PRIMA1: variants seen among roughly 807,000 people sequenced by gnomAD.
PRIMA1 encodes proline rich membrane anchor 1.
A neutral mutation model predicts 17.5 loss-of-function variants in PRIMA1; 7 were observed. The ratio of observed to expected loss-of-function variants is 0.40; its 90% confidence interval spans 0.23 to 0.75. PRIMA1 has a LOEUF of 0.75. PRIMA1 is among the 30% of genes least tolerant of loss of function. PRIMA1 has a pLI of 0.37. For synonymous variants in PRIMA1, 97 were observed against 77.9 expected, an observed-to-expected ratio of 1.25 and a Z score of -1.29; for missense variants, 200 against 201.8, an observed-to-expected ratio of 0.99 and a Z score of 0.05.
At chr14:93,727,945 G>A (rs1418388441) in intron 4 of PRIMA1, among the ~76,000 whole-genome samples, 3 of 152,348 alleles carry the variant, frequency 2.0e-5, no homozygotes, top group East Asian at 1.9e-4. Context: ...TGCATCCTAC[G>A]CTGCTCAGCT....
chr14:93,780,592 T>C (rs925887786), intron 2 of PRIMA1, among the ~76,000 whole-genome samples: 1 of 152,222 alleles, frequency 6.6e-6, no homozygotes, highest in African/African-American at 2.4e-5. Context: ...TGGCTGTACC[T>C]TGGAATCTCC....
chr14:93,727,906 T>C (rs1298500875), intron 4 of PRIMA1, among the ~76,000 whole-genome samples: 1 of 152,238 alleles, frequency 6.6e-6, no homozygotes, highest in African/African-American at 2.4e-5. Context: ...CCTGAGCTCC[T>C]GGGCGGTCAC....
intron 3 of PRIMA1, among the ~76,000 whole-genome samples, chr14:93,778,707 T>C (rs1885290148): frequency 6.6e-6 from 1 of 152,220 alleles, no homozygotes; most frequent in African/African-American, 2.4e-5. Flanking sequence ...GGCAAACAAG[T>C]CACAGAGAGG....
chr14:93,779,715 G>A (rs781368993), intron 2 of PRIMA1, among the ~76,000 whole-genome samples: 6 of 152,186 alleles, frequency 3.9e-5, no homozygotes, highest in Admixed American at 1.3e-4. Flanking sequence ...AAGCCCAACC[G>A]CTTCTCCTGT....
intron 3 of PRIMA1, among the ~76,000 whole-genome samples, chr14:93,746,324 G>T (rs765368728): frequency 8.5e-5 from 13 of 152,094 alleles, no homozygotes; most frequent in Non-Finnish European, 4.4e-5. Flanking sequence ...GGGTGCTGGG[G>T]TGCAGGGTTG....
intron 2 of PRIMA1, among the ~76,000 whole-genome samples, chr14:93,782,274 A>AC (rs1885399032): frequency 6.7e-5 from 10 of 148,818 alleles, no homozygotes; most frequent in Non-Finnish European, 1.0e-4. Flanking sequence ...TCTCAAAAAT[A>AC]AATAAATAAA....
Position 93,726,001 on chromosome 14 carries a change from T to G in PRIMA1, c.360-4455A>C, listed in dbSNP as rs1323289179. On this transcript the variant is annotated intron_variant, in intron 4 of 4. Transcript: ENST00000393140. This position sits in a 1 kb window ranked among gnomAD's most constrained non-coding sequence, Gnocchi z 4.2. ...GCCACAGAGGGCTCCCTAGATGGCA[T>G]GGTTCCTAGAAACCAAGAGAGAGGT... 3 of 456,490 alleles carry G rather than the reference T, an allele frequency of 6.6e-6. No individual in the cohort carries two copies. Among genetic ancestry groups the G allele is most frequent in the Non-Finnish European group, 1.3e-5 (3 of 226,942 alleles). 28.3% of individuals were successfully genotyped at this position (456,490 alleles called of 1,614,324 possible).
chr14:93,771,105 T>C (rs999338015), intron 3 of PRIMA1, among the ~76,000 whole-genome samples: 8 of 151,924 alleles, frequency 5.3e-5, no homozygotes, highest in African/African-American at 1.9e-4. Context: ...CGTGTGCATG[T>C]ACGCGTGTGC....
intron 3 of PRIMA1, among the ~76,000 whole-genome samples, chr14:93,740,063 T>TAA (rs10650087): frequency 0.79 from 118,118 of 148,630 alleles, 48,159 homozygotes; most frequent in Middle Eastern, 0.9. Flanking sequence ...AGACTCCAGC[T>TAA]AAAAAAAAAA....
intron 3 of PRIMA1, among the ~76,000 whole-genome samples, chr14:93,767,166 G>C (rs1271325667): frequency 6.6e-6 from 1 of 152,238 alleles, no homozygotes; most frequent in Non-Finnish European, 1.5e-5. Context: ...AGGTGATACT[G>C]ATCAGAAATA....
intron 3 of PRIMA1, among the ~76,000 whole-genome samples, chr14:93,770,822 G>A (rs1330790459): frequency 1.3e-5 from 2 of 152,106 alleles, no homozygotes; most frequent in African/African-American, 4.8e-5. Context: ...CCTAGTGCCT[G>A]GCATATAGTA....
chr14:93,746,682 G>A (rs917884261), intron 3 of PRIMA1, among the ~76,000 whole-genome samples: 4 of 152,176 alleles, frequency 2.6e-5, no homozygotes, highest in Non-Finnish European at 5.9e-5. Context: ...GTGGGGGAAG[G>A]GCGGGAGGCT....
chr14:93,744,476 C>T (rs1405950104), intron 3 of PRIMA1, among the ~76,000 whole-genome samples: 1 of 152,224 alleles, frequency 6.6e-6, no homozygotes, highest in Non-Finnish European at 1.5e-5. Flanking sequence ...GGGTGCGGGG[C>T]TGCTCACTCA....
At chr14:93,740,880 A>G (rs1261489951) in intron 3 of PRIMA1, among the ~76,000 whole-genome samples, 1 of 152,254 alleles carries the variant, frequency 6.6e-6, no homozygotes, top group African/African-American at 2.4e-5. Flanking sequence ...TATAAGCCTC[A>G]TAGGGAATTT....
rs72693001 is a variant in PRIMA1, at chr14:93,732,100, G to A, written c.359+5141C>T. On this transcript the variant is annotated intron_variant, in intron 4 of 4. Coordinates refer to ENST00000393140, the MANE Select transcript of PRIMA1 (RefSeq NM_178013.4). ...GCCAATTATACCAGTAAGTGAGAGG[G>A]AAATGGCTGTCCAGTGGCTTCATGG... is the stretch of plus-strand genomic sequence containing the variant. Among the ~76,000 whole-genome samples, 365 of 152,338 alleles carry A rather than the reference G, an allele frequency of 2.4e-3. 1 individual carries two copies. Among genetic ancestry groups the A allele is most frequent in the Non-Finnish European group, 3.7e-3 (250 of 68,032 alleles).
chr14:93,779,992 C>T (rs1338034205), intron 2 of PRIMA1, among the ~76,000 whole-genome samples: 1 of 152,262 alleles, frequency 6.6e-6, no homozygotes, highest in African/African-American at 2.4e-5. Flanking sequence ...CCACCCCACC[C>T]CTCGTGGGAT....
At chr14:93,780,473 G>A (rs1035948218) in intron 2 of PRIMA1, among the ~76,000 whole-genome samples, 4 of 152,128 alleles carry the variant, frequency 2.6e-5, no homozygotes, top group African/African-American at 4.8e-5. Context: ...CACAATCCAC[G>A]CCTCTTGAAC....
rs1287065284 is a variant in PRIMA1 at position 93,765,002 on chromosome 14, G to C, written c.229+14174C>G. Among the ~76,000 whole-genome samples the C allele has an allele frequency of 2.6e-5, 4 of 152,140 alleles. No individual in the cohort carries two copies. The East Asian group carries it at 7.7e-4, about 29-fold the overall frequency. On this transcript the variant is annotated intron_variant, in intron 3 of 4. Transcript: ENST00000393140. ...ATTTCCCAGAGCTCCTGGGGGAATT[G>C]AGCTGGGGTTATTGGCTTGACATAG...
At chr14:93,736,902 G>A (rs942311283) in intron 4 of PRIMA1, among the ~76,000 whole-genome samples, 1 of 152,048 alleles carries the variant, frequency 6.6e-6, no homozygotes, top group African/African-American at 2.4e-5. Flanking sequence ...TATTTTTCAC[G>A]TTGCACTGGG....
Sources: allele counts gnomAD v4.1 joint callset (sites outside exome capture counted in the v4.1 genomes callset), GRCh38; gene constraint gnomAD v4.1.1; non-coding constraint Gnocchi (gnomAD v3.1); transcripts MANE v1.5; gene names NCBI Gene and HGNC (gene_info 2026-07-23, HGNC 2026-07-21).